WSCD2: variants seen among roughly 807,000 people sequenced by gnomAD.
WSCD2 encodes the protein sialate:O-sulfotransferase 2.
A neutral mutation model predicts 55.7 loss-of-function variants in WSCD2; 28 were observed. The observed-to-expected ratio is 0.50, with a 90% CI of 0.37 to 0.69. The LOEUF is 0.69. Ranked by LOEUF, WSCD2 falls within the 30% of genes least tolerant of loss-of-function variation. WSCD2 has a pLI of 0.00. For synonymous variants in WSCD2, 301 were observed against 301.9 expected (o/e 1.00, Z 0.03); for missense variants, 616 against 762.1 (o/e 0.81, Z 2.26).
At chr12:108,242,191 T>C (rs2137236559) in intron 8 of WSCD2, among the ~76,000 whole-genome samples, 1 of 152,310 alleles carries the variant, frequency 6.6e-6, no homozygotes, top group East Asian at 1.9e-4. Flanking sequence ...CCCTCAACAC[T>C]GACTTCGTTG....
chr12:108,216,077 G>C (rs918929877), intron 4 of WSCD2, among the ~76,000 whole-genome samples: 1 of 152,168 alleles, frequency 6.6e-6, no homozygotes, highest in Non-Finnish European at 1.5e-5. Flanking sequence ...AGCTGGAATG[G>C]GGGTCTATGG....
intron 1 of WSCD2, among the ~76,000 whole-genome samples, chr12:108,160,525 G>C (rs1381906701): frequency 6.6e-6 from 1 of 152,072 alleles, no homozygotes; most frequent in Non-Finnish European, 1.5e-5. Context: ...GAGAAAGAGA[G>C]GCTGGCAGGG....
chr12:108,219,021 A>G (rs1887169604), intron 4 of WSCD2, among the ~76,000 whole-genome samples: 1 of 152,192 alleles, frequency 6.6e-6, no homozygotes, highest in African/African-American at 2.4e-5. Flanking sequence ...TGGTTGGGAA[A>G]TGTCAAACCC....
chr12:108,192,988 C>T (rs541452340), intron 1 of WSCD2, among the ~76,000 whole-genome samples: 2 of 151,892 alleles, frequency 1.3e-5, no homozygotes, highest in East Asian at 1.9e-4. Context: ...CAAAGAGTTA[C>T]AAGACCAGAA....
intron 1 of WSCD2, among the ~76,000 whole-genome samples, chr12:108,185,962 A>G (rs1882434181): frequency 6.6e-6 from 1 of 152,122 alleles, no homozygotes; most frequent in South Asian, 2.1e-4. Context: ...GCACTTGGAG[A>G]AGGGCTGCCA....
rs999089283 is a variant in WSCD2, at chr12:108,195,516, C to T, written c.-317C>T. The T allele has an allele frequency of 3.3e-6, 1 of 304,370 alleles. No homozygotes were observed. The highest frequency in any genetic ancestry group is 4.7e-5 in the Admixed American group (1 of 21,288). The allele number at this position is 304,370 out of a possible 1,614,324, so 18.9% of individuals were successfully genotyped here. A position where few individuals can be genotyped will look rare whatever the true frequency, so the allele number is the denominator to read the frequency against. ...TGCTATTCTCACAGTTCTTTAGGAA[C>T]ACTCTGAAGTGAAGAACAATATGTA... On this transcript the variant is annotated 5_prime_UTR_variant, in exon 2 of 9. Coordinates refer to ENST00000547525, the MANE Select transcript of WSCD2 (RefSeq NM_014653.4).
intron 4 of WSCD2, among the ~76,000 whole-genome samples, chr12:108,216,515 T>A (rs1170969626): frequency 6.6e-6 from 1 of 152,232 alleles, no homozygotes; most frequent in African/African-American, 2.4e-5. Context: ...AGGATTTTCC[T>A]TGTAACTGAA....
chr12:108,233,005 G>A, intron 7 of WSCD2, 110 bp downstream of exon 7: 1 of 1,411,266 alleles, frequency 7.1e-7, no homozygotes. Flanking sequence ...GTGCCACTCA[G>A]CTCTCCCAGG....
chr12:108,178,394 G>A (rs890063030), intron 1 of WSCD2, among the ~76,000 whole-genome samples: 3 of 152,050 alleles, frequency 2.0e-5, no homozygotes, highest in Non-Finnish European at 4.4e-5. Flanking sequence ...CAGCACCATC[G>A]AATCTCTCTG....
At position 108,188,922 on chromosome 12, in the gene WSCD2, T is replaced by C. The variant is rs58304730; in HGVS notation, c.-551-6360T>C. Among the ~76,000 whole-genome samples, 463 of 152,348 alleles carry C rather than the reference T, an allele frequency of 3.0e-3. 6 individuals carry two copies. Among genetic ancestry groups the C allele is most frequent in the African/African-American group, 0.011 (448 of 41,576 alleles). On this transcript the variant is annotated intron_variant, in intron 1 of 8. Transcript: ENST00000547525. ...CAAGTTACTTAATCTCTGTGAACTTTAGCTTTCTCATCTGTAAAGTGGGTA... is the reference window on the plus strand; with the variant it reads ...CAAGTTACTTAATCTCTGTGAACTTCAGCTTTCTCATCTGTAAAGTGGGTA...
intron 1 of WSCD2, among the ~76,000 whole-genome samples, chr12:108,183,746 G>A (rs1457359576): frequency 6.6e-6 from 1 of 152,130 alleles, no homozygotes. Flanking sequence ...TCAGAGGGTG[G>A]CACTTCCACA....
intron 1 of WSCD2, among the ~76,000 whole-genome samples, chr12:108,144,279 C>T (rs1176088988): frequency 2.0e-5 from 3 of 152,120 alleles, no homozygotes; most frequent in East Asian, 1.9e-4. Context: ...CTGGGTCATA[C>T]GCGTTATGCA....
chr12:108,220,862 A>G (rs545230607), intron 4 of WSCD2, among the ~76,000 whole-genome samples: 2 of 152,260 alleles, frequency 1.3e-5, no homozygotes, highest in South Asian at 4.2e-4. Context: ...ATAAGCATCT[A>G]TTCATAATAG....
At chr12:108,241,763 A>G (rs566454725) in intron 8 of WSCD2, among the ~76,000 whole-genome samples, 1 of 152,380 alleles carries the variant, frequency 6.6e-6, no homozygotes, top group African/African-American at 2.4e-5. Context: ...AACTTCCAGA[A>G]GTGATGGAAA....
chr12:108,200,393 A>G (rs1884509501), intron 2 of WSCD2, among the ~76,000 whole-genome samples: 2 of 152,226 alleles, frequency 1.3e-5, no homozygotes, highest in Admixed American at 1.3e-4. Context: ...GCCCGATTTG[A>G]TCAGAGTCCA....
At chr12:108,184,692 T>C (rs985090108) in intron 1 of WSCD2, among the ~76,000 whole-genome samples, 2 of 152,212 alleles carry the variant, frequency 1.3e-5, no homozygotes, top group Non-Finnish European at 2.9e-5. Flanking sequence ...AGCTGGTGTC[T>C]AAGGGCCCTT....
intron 4 of WSCD2, among the ~76,000 whole-genome samples, chr12:108,211,545 G>A (rs983064449): frequency 6.6e-6 from 1 of 151,966 alleles, no homozygotes; most frequent in Admixed American, 6.6e-5. Context: ...TCTGTTTGCA[G>A]AGAAGGGCCT....
chr12:108,235,129 G>A (rs554574250), intron 7 of WSCD2, among the ~76,000 whole-genome samples: 4 of 152,272 alleles, frequency 2.6e-5, no homozygotes, highest in African/African-American at 7.2e-5. Context: ...GAGAGCTTGT[G>A]CAAAATTCTT....
At chr12:108,198,236 G>A (rs933913311) in intron 2 of WSCD2, among the ~76,000 whole-genome samples, 1 of 152,040 alleles carries the variant, frequency 6.6e-6, no homozygotes, top group Non-Finnish European at 1.5e-5. Context: ...CAGCACCCGG[G>A]ACAGCACCTG....
Sources: allele counts gnomAD v4.1 joint callset (sites outside exome capture counted in the v4.1 genomes callset), GRCh38; gene constraint gnomAD v4.1.1; transcripts MANE v1.5; gene names NCBI Gene and HGNC (gene_info 2026-07-23, HGNC 2026-07-21).